CD53: variants seen among roughly 807,000 people sequenced by gnomAD.
CD53 encodes the protein CD53 molecule, also known as leukocyte surface antigen CD53.
A neutral mutation model predicts 27.3 loss-of-function variants in CD53; 20 were observed. The observed-to-expected ratio is 0.73, with a 90% CI of 0.52 to 1.07. CD53 has a LOEUF of 1.07. Ranked by LOEUF, CD53 falls within the 50% of genes least tolerant of loss-of-function variation. The probability of loss-of-function intolerance (pLI) is 0.00; values close to 1 mark genes in which losing one functional copy is unlikely to be tolerated. For missense variants in CD53, 216 were observed against 264.0 expected, an observed-to-expected ratio of 0.82 and a Z score of 1.26; for synonymous variants, 106 against 105.3, an observed-to-expected ratio of 1.01 and a Z score of -0.04.
At chr1:110,884,336 A>AT (rs1443259946) in intron 1 of CD53, among the ~76,000 whole-genome samples, 1 of 151,972 alleles carries the variant, frequency 6.6e-6, no homozygotes, top group Non-Finnish European at 1.5e-5. Context: ...TCTGTTATTG[A>AT]TTGCTAATTC....
intron 1 of CD53, among the ~76,000 whole-genome samples, chr1:110,881,081 G>A (rs1656336549): frequency 6.6e-6 from 1 of 152,202 alleles, no homozygotes; most frequent in East Asian, 1.9e-4. Context: ...GTTGCCATGA[G>A]TGTGGAGTGA....
chr1:110,891,075 T>A (rs1656834183), intron 1 of CD53, among the ~76,000 whole-genome samples: 1 of 152,268 alleles, frequency 6.6e-6, no homozygotes, highest in Admixed American at 6.5e-5. Context: ...AATGCTGCAG[T>A]TAGAGCTAAA....
At chr1:110,895,564 T>G (rs1368639290) in intron 5 of CD53, among the ~76,000 whole-genome samples, 2 of 152,156 alleles carry the variant, frequency 1.3e-5, no homozygotes, top group African/African-American at 4.8e-5. Flanking sequence ...GTATAATCTA[T>G]TTGTGTCTCG....
chr1:110,886,869 A>ATATATATATATATATATATATT (rs1298376721), intron 1 of CD53, among the ~76,000 whole-genome samples: 1 of 82,778 alleles, frequency 1.2e-5, no homozygotes, highest in Non-Finnish European at 2.2e-5. Context: ...ATATATATAT[A>ATATATATATATATATATATATT]TTTTTTTTTT....
In CD53 at chr1:110,899,106, T is replaced by C. The variant is rs906826069; in HGVS notation, c.589-18T>C. ...CTTTTCTTATGAAGACTTCAAATTTTCCCAACTCTTTTCACAGGTGTTGGG... is the reference window on the plus strand; with the variant it reads ...CTTTTCTTATGAAGACTTCAAATTTCCCCAACTCTTTTCACAGGTGTTGGG... On this transcript the variant is annotated intron_variant, in intron 7 of 7. Coordinates refer to ENST00000271324, the MANE Select transcript of CD53 (RefSeq NM_000560.4). The C allele has an allele frequency of 1.2e-6, 2 of 1,607,750 alleles. No individual in the cohort carries two copies. Among genetic ancestry groups the C allele is most frequent in the Admixed American group, 3.3e-5 (2 of 59,838 alleles).
At chr1:110,883,984 G>T (rs1033706797) in intron 1 of CD53, among the ~76,000 whole-genome samples, 1 of 151,640 alleles carries the variant, frequency 6.6e-6, no homozygotes, top group African/African-American at 2.4e-5. Flanking sequence ...AACTTTTGTG[G>T]GGTTTTTAAA....
At chr1:110,893,471 C>T (rs1472878578) in intron 3 of CD53, among the ~76,000 whole-genome samples, 10 of 152,184 alleles carry the variant, frequency 6.6e-5, no homozygotes, top group South Asian at 6.2e-4. Context: ...TACAGTCATG[C>T]GCCACCATGT....
chr1:110,891,039 G>A (rs1656832832), intron 1 of CD53, among the ~76,000 whole-genome samples: 1 of 152,242 alleles, frequency 6.6e-6, no homozygotes, highest in Non-Finnish European at 1.5e-5. Flanking sequence ...GACTTCAAGG[G>A]CTTAAGTGCC....
chr1:110,899,034 AC>A, intron 7 of CD53, 89 bp from the exon 8 acceptor site: 1 of 909,050 alleles, frequency 1.1e-6, no homozygotes, highest in Non-Finnish European at 1.8e-6. Context: ...TGTAATGGAT[AC>A]ATTCTTTTTC....
At chr1:110,887,922 A>G (rs190474332) in intron 1 of CD53, among the ~76,000 whole-genome samples, 60 of 152,336 alleles carry the variant, frequency 3.9e-4, no homozygotes, top group Non-Finnish European at 6.8e-4. Flanking sequence ...GTTGTGATTA[A>G]ATCAAACATC....
At position 110,899,117 on chromosome 1, in the gene CD53, T is replaced by A. The variant is rs1425605596; in HGVS notation, c.589-7T>A. ...AAGACTTCAAATTTTCCCAACTCTT[T>A]TCACAGGTGTTGGGGATGTCCTTTG... On this transcript the variant is annotated splice_region_variant and splice_polypyrimidine_tract_variant and intron_variant, in intron 7 of 7. Transcript: ENST00000271324. The A allele has an allele frequency of 6.2e-7, 1 of 1,612,164 alleles. No homozygotes were observed. Among genetic ancestry groups the A allele is most frequent in the East Asian group, 2.2e-5 (1 of 44,862 alleles).
chr1:110,888,168 C>T (rs559907629), intron 1 of CD53, among the ~76,000 whole-genome samples: 15 of 152,314 alleles, frequency 9.8e-5, no homozygotes, highest in African/African-American at 3.6e-4. Context: ...AGCCAACAAC[C>T]TGAATGTATA....
At chr1:110,889,182 T>C (rs1483514055) in intron 1 of CD53, among the ~76,000 whole-genome samples, 1 of 152,182 alleles carries the variant, frequency 6.6e-6, no homozygotes, top group Admixed American at 6.5e-5. Context: ...CTATGAGATA[T>C]TTTGTCAGTG....
intron 1 of CD53, among the ~76,000 whole-genome samples, chr1:110,886,870 T>TA (rs1491267172): frequency 0.043 from 1,518 of 35,420 alleles, 24 homozygotes; most frequent in South Asian, 0.12. Context: ...TATATATATA[T>TA]TTTTTTTTTC....
chr1:110,896,722 C>G lies in CD53; in HGVS notation c.493C>G (p.Arg165Gly), dbSNP rs190729207. 1.2e-6 allele frequency: 2 copies of G among 1,612,464 alleles called. No homozygotes were observed. Among genetic ancestry groups the G allele is most frequent in the Non-Finnish European group, 1.7e-6 (2 of 1,179,286 alleles). Residue 165 changes from arginine to glycine, a missense_variant, in exon 6 of 8, where the codon CGA becomes GGA. By Grantham distance (125) the Arg-to-Gly change is moderately radical. Transcript: ENST00000271324. ...CCCACCAGCATCTTGCCCCTCAGAT[C>G]GAAAAGTGGAGGTAATTTTGTCGGC... is the stretch of plus-strand genomic sequence containing the variant. ...SGPPASCPSDRKVEGCYAKAR... is the reference protein window; with the variant it reads ...SGPPASCPSDGKVEGCYAKAR...
At chr1:110,885,467 G>A (rs539505203) in intron 1 of CD53, among the ~76,000 whole-genome samples, 34 of 152,252 alleles carry the variant, frequency 2.2e-4, no homozygotes, top group Admixed American at 1.2e-3. Flanking sequence ...GAACCGGGGA[G>A]GCGGAGCTTG....
intron 5 of CD53, 119 bp downstream of exon 5, chr1:110,895,174 C>A: frequency 1.4e-6 from 1 of 717,808 alleles, no homozygotes; most frequent in East Asian, 2.6e-5. Flanking sequence ...CCCTGAATCC[C>A]AGAATAATGC....
intron 1 of CD53, among the ~76,000 whole-genome samples, chr1:110,887,307 G>A (rs922015081): frequency 7.9e-5 from 12 of 152,044 alleles, no homozygotes; most frequent in African/African-American, 1.2e-4. Flanking sequence ...CTTGTGATCC[G>A]CCCGCCTCGG....
At chr1:110,895,096 C>A in intron 5 of CD53, 41 bp downstream of exon 5, 1 of 1,421,966 alleles carries the variant, frequency 7.0e-7, no homozygotes. Flanking sequence ...GCCCAGACTT[C>A]ATTTTCAAGC....
Sources: gnomAD v4.1 joint callset for allele counts (sites outside exome capture counted in the v4.1 genomes callset) on GRCh38, gnomAD v4.1.1 for gene constraint, MANE v1.5 for transcripts, NCBI Gene and HGNC (gene_info 2026-07-23, HGNC 2026-07-21) for gene names.